Variants in ARHGEF12 observed in about 807,000 individuals in gnomAD.
The protein encoded by ARHGEF12 is Rho guanine nucleotide exchange factor 12.
In ARHGEF12, 66 loss-of-function variants were observed where a neutral mutation model predicts 211.2. That is an observed-to-expected ratio of 0.31 (90% confidence interval 0.26 to 0.38). The LOEUF is 0.38. ARHGEF12 is among the 10% of genes least tolerant of loss of function. ARHGEF12 has a pLI of 1.00. For missense variants in ARHGEF12, 1,429 were observed against 1,869.5 expected, an observed-to-expected ratio of 0.76 and a Z score of 4.34; for synonymous variants, 592 against 638.4, an observed-to-expected ratio of 0.93 and a Z score of 1.09.
intron 1 of ARHGEF12, among the ~76,000 whole-genome samples, chr11:120,352,933 C>T (rs1262802255): frequency 6.6e-6 from 1 of 152,204 alleles, no homozygotes; most frequent in Admixed American, 6.5e-5. Flanking sequence ...GTACTCCCAG[C>T]CCATTCCCCT....
intron 29 of ARHGEF12, 24 bp downstream of exon 29, chr11:120,467,332 A>G (rs756099043): frequency 6.9e-7 from 1 of 1,447,576 alleles, no homozygotes; most frequent in Non-Finnish European, 9.7e-7. Context: ...ACTGAAATAA[A>G]AAGCTTAAGA....
chr11:120,366,452 C>G (rs1943424070), intron 1 of ARHGEF12, among the ~76,000 whole-genome samples: 1 of 152,188 alleles, frequency 6.6e-6, no homozygotes, highest in Non-Finnish European at 1.5e-5. Context: ...GCCACCAACC[C>G]TGCCCTTAAG....
intron 20 of ARHGEF12, 73 bp from the exon 21 acceptor site, chr11:120,449,036 G>A (rs564227924): frequency 2.2e-5 from 27 of 1,236,646 alleles, no homozygotes; most frequent in Non-Finnish European, 3.1e-5. Context: ...CTAACCATTA[G>A]CATTACACTA....
intron 4 of ARHGEF12, 91 bp from the exon 5 acceptor site, chr11:120,420,662 T>C (rs1012746624): frequency 1.9e-6 from 2 of 1,077,660 alleles, no homozygotes; most frequent in African/African-American, 1.6e-5. Flanking sequence ...TTTCTCCAGA[T>C]GGAACACAGT....
At chr11:120,379,758 A>T (rs891200972) in intron 1 of ARHGEF12, among the ~76,000 whole-genome samples, 4 of 151,898 alleles carry the variant, frequency 2.6e-5, no homozygotes, top group Admixed American at 6.6e-5. Flanking sequence ...TGAGTGTTAA[A>T]CCTACCTGGC....
intron 1 of ARHGEF12, among the ~76,000 whole-genome samples, chr11:120,348,645 C>T (rs1252918701): frequency 1.3e-5 from 2 of 152,098 alleles, no homozygotes; most frequent in Non-Finnish European, 2.9e-5. Flanking sequence ...AGTTTGAGAC[C>T]AGCCTGAACA....
At chr11:120,374,468 G>A (rs771124124) in intron 1 of ARHGEF12, among the ~76,000 whole-genome samples, 3 of 152,152 alleles carry the variant, frequency 2.0e-5, no homozygotes, top group Non-Finnish European at 2.9e-5. Context: ...TGAACATTAC[G>A]ACATTTGATG....
intron 1 of ARHGEF12, among the ~76,000 whole-genome samples, chr11:120,346,197 T>A (rs12417581): frequency 0.41 from 62,670 of 152,144 alleles, 13,145 homozygotes; most frequent in South Asian, 0.47. Context: ...AATAAGTGTA[T>A]CTGTCTTCTT....
chr11:120,449,256 C>A (rs1198394470), intron 21 of ARHGEF12, 42 bp downstream of exon 21: 2 of 1,492,878 alleles, frequency 1.3e-6, no homozygotes, highest in Non-Finnish European at 1.9e-6. Flanking sequence ...GTACTCCAGG[C>A]CCTCTTCACA....
At chr11:120,477,640 G>GTT in intron 36 of ARHGEF12, 114 bp downstream of exon 36, 1 of 933,654 alleles carries the variant, frequency 1.1e-6, no homozygotes, top group Non-Finnish European at 1.6e-6. Flanking sequence ...CGAGATAGGC[G>GTT]TATCACCTGA....
At position 120,446,366 on chromosome 11, in the gene ARHGEF12, A is replaced by G. The variant is rs751795806; in HGVS notation, c.1346-37A>G. 6.5e-6 allele frequency: 10 copies of G among 1,531,876 alleles called. No homozygotes were observed. The South Asian group carries it at 1.2e-4, about 18-fold the overall frequency. The allele number at this position is 1,531,876 out of a possible 1,614,324, so 94.9% of individuals were successfully genotyped here. On this transcript the variant is annotated intron_variant, in intron 16 of 40. Transcript: ENST00000397843. ...TTGCCAATTGTATGTTGCCCAGAAC[A>G]TACCTTTAGATAACATAATTCCTTT... is the stretch of plus-strand genomic sequence containing the variant.
chr11:120,382,897 T>C (rs1468219087), intron 1 of ARHGEF12, among the ~76,000 whole-genome samples: 1 of 152,132 alleles, frequency 6.6e-6, no homozygotes, highest in East Asian at 1.9e-4. Context: ...TCCCAGCACT[T>C]TGGGGGCCGA....
chr11:120,404,646 A>G (rs1379135370), intron 1 of ARHGEF12, among the ~76,000 whole-genome samples: 1 of 152,084 alleles, frequency 6.6e-6, no homozygotes, highest in Non-Finnish European at 1.5e-5. Flanking sequence ...AACTTCCGGG[A>G]TTCTTTACCA....
chr11:120,421,684 C>T, intron 5 of ARHGEF12, 119 bp from the exon 6 acceptor site: 1 of 850,538 alleles, frequency 1.2e-6, no homozygotes, highest in South Asian at 1.5e-5. Context: ...GATCCGCCCG[C>T]CTCGGCCTCC....
At chr11:120,402,180 C>A (rs1046934909) in intron 1 of ARHGEF12, among the ~76,000 whole-genome samples, 1 of 152,098 alleles carries the variant, frequency 6.6e-6, no homozygotes, top group Admixed American at 6.6e-5. Context: ...TCTTTTGCCC[C>A]CAAGGCCTTG....
intron 2 of ARHGEF12, among the ~76,000 whole-genome samples, chr11:120,407,079 G>A (rs965722714): frequency 6.6e-6 from 1 of 152,096 alleles, no homozygotes; most frequent in Admixed American, 6.5e-5. Context: ...TTTAGTGTCA[G>A]CATAGTCCAG....
intron 2 of ARHGEF12, among the ~76,000 whole-genome samples, chr11:120,406,804 C>A (rs945233952): frequency 1.3e-5 from 2 of 152,088 alleles, no homozygotes; most frequent in African/African-American, 4.8e-5. Context: ...GTGATTCGCC[C>A]GCCTCAGGCT....
chr11:120,393,633 A>G (rs770554106), intron 1 of ARHGEF12, among the ~76,000 whole-genome samples: 1 of 152,256 alleles, frequency 6.6e-6, no homozygotes, highest in Non-Finnish European at 1.5e-5. Context: ...ATATCTAGGC[A>G]TGTATACACC....
At chr11:120,428,012 G>C in intron 7 of ARHGEF12, 57 bp from the exon 8 acceptor site, 1 of 1,429,208 alleles carries the variant, frequency 7.0e-7, no homozygotes, top group Non-Finnish European at 9.3e-7. Context: ...GGTATAAAAA[G>C]TTTCTTGACA....
Sources: gnomAD v4.1 joint callset for allele counts (sites outside exome capture counted in the v4.1 genomes callset) on GRCh38, gnomAD v4.1.1 for gene constraint, MANE v1.5 for transcripts, NCBI Gene and HGNC (gene_info 2026-07-23, HGNC 2026-07-21) for gene names.